Variants in SLC25A13 observed in about 807,000 individuals in gnomAD.
SLC25A13 encodes the protein solute carrier family 25 member 13, also known as electrogenic aspartate/glutamate antiporter SLC25A13, mitochondrial.
A neutral mutation model predicts 85.5 loss-of-function variants in SLC25A13; 70 were observed. That is an observed-to-expected ratio of 0.82 (90% CI 0.68 to 1.00). SLC25A13 has a LOEUF of 1.00. SLC25A13 is among the 50% of genes least tolerant of loss of function. The pLI is 0.00. For synonymous variants in SLC25A13, 259 were observed against 288.7 expected (o/e 0.90, Z 1.04); for missense variants, 765 against 819.8 (o/e 0.93, Z 0.82).
intron 2 of SLC25A13, among the ~76,000 whole-genome samples, chr7:96,292,727 G>A (rs1394414745): frequency 6.6e-6 from 1 of 152,182 alleles, no homozygotes; most frequent in African/African-American, 2.4e-5. Context: ...TACAAGGGAT[G>A]TGAAGGACCT....
At chr7:96,133,071 G>A (rs548791653) in intron 14 of SLC25A13, among the ~76,000 whole-genome samples, 120 of 152,270 alleles carry the variant, frequency 7.9e-4, no homozygotes, top group African/African-American at 2.8e-3. Context: ...AACACAGGCA[G>A]GACATCAGAT....
chr7:96,149,579 A>G (rs1792942773), intron 13 of SLC25A13, among the ~76,000 whole-genome samples: 1 of 152,242 alleles, frequency 6.6e-6, no homozygotes, highest in African/African-American at 2.4e-5. Context: ...TCAAGAAAAC[A>G]TAATGATGTA....
At position 96,234,898 on chromosome 7, in the gene SLC25A13, A is replaced by G. The variant is rs1241397849; in HGVS notation, c.232T>C (p.Phe78Leu). 3.1e-6 allele frequency: 5 copies of G among 1,613,660 alleles called. No individual in the cohort carries two copies. The highest frequency in any genetic ancestry group is 1.1e-5 in the South Asian group (1 of 91,068). The change falls in exon 4 of 18, where the codon TTT (phenylalanine) becomes CTT (leucine). Residue 78 changes from phenylalanine (F) to leucine (L), a missense_variant. Coordinates refer to ENST00000265631, the MANE Select transcript of SLC25A13 (RefSeq NM_014251.3). Reference sequence around the variant, plus strand: ...CACAGGACAGATTCAAAGGCAACAAATTCTTGAAAAGATATTAATCTGCAA... The same window carrying G: ...CACAGGACAGATTCAAAGGCAACAAGTTCTTGAAAAGATATTAATCTGCAA... ...TKDGLISFQE[F>L]VAFESVLCAP...
intron 13 of SLC25A13, among the ~76,000 whole-genome samples, chr7:96,163,129 A>T (rs1169910860): frequency 1.3e-5 from 2 of 152,140 alleles, no homozygotes; most frequent in Non-Finnish European, 2.9e-5. Flanking sequence ...GTAGGGTCTA[A>T]TTTCTCTCCT....
At chr7:96,240,794 A>G (rs1189507508) in intron 3 of SLC25A13, among the ~76,000 whole-genome samples, 1 of 151,162 alleles carries the variant, frequency 6.6e-6, no homozygotes, top group Non-Finnish European at 1.5e-5. Flanking sequence ...AAAGTTGCTC[A>G]CATCCTGATT....
chr7:96,184,288 C>A lies in SLC25A13; in HGVS notation c.1166G>T (p.Gly389Val). ...KKVLRYEGFF[G>V]LYRGLLPQLL... Reference sequence around the variant, plus strand: ...CATGTGGCACTAACCTCTATACAGTCCAAAGAAGCCTTCATAGCGTAGCAC... The same window carrying A: ...CATGTGGCACTAACCTCTATACAGTACAAAGAAGCCTTCATAGCGTAGCAC... The change falls in exon 11 of 18, where the codon GGA (glycine) becomes GTA (valine). Residue 389 changes from glycine to valine, a missense_variant. Physicochemically the swap from Gly to Val is moderately radical, Grantham distance 109 (BLOSUM62 -3). Coordinates refer to ENST00000265631, the MANE Select transcript of SLC25A13 (RefSeq NM_014251.3). 6.2e-7 allele frequency: 1 copy of A among 1,614,134 alleles called. No individual in the cohort carries two copies. Among genetic ancestry groups the A allele is most frequent in the South Asian group, 1.1e-5 (1 of 91,070 alleles).
At chr7:96,312,550 A>C (rs1322978186) in intron 1 of SLC25A13, among the ~76,000 whole-genome samples, 1 of 152,136 alleles carries the variant, frequency 6.6e-6, no homozygotes, top group Non-Finnish European at 1.5e-5. Flanking sequence ...GGTTATATTA[A>C]TCCCTGAAGA....
At chr7:96,232,589 T>TA (rs1461527010) in intron 4 of SLC25A13, among the ~76,000 whole-genome samples, 2 of 141,856 alleles carry the variant, frequency 1.4e-5, no homozygotes, top group African/African-American at 5.3e-5. Flanking sequence ...CCCCTGAACT[T>TA]ACGTTAAAAA....
intron 3 of SLC25A13, among the ~76,000 whole-genome samples, chr7:96,276,078 T>G (rs563868233): frequency 5.3e-5 from 8 of 152,164 alleles, no homozygotes; most frequent in Non-Finnish European, 1.2e-4. Context: ...GAGTGATAGG[T>G]AACTGCAATC....
intron 13 of SLC25A13, chr7:96,167,048 G>C (rs1185367152): frequency 6.6e-6 from 1 of 152,176 alleles, no homozygotes; most frequent in Non-Finnish European, 1.5e-5. Flanking sequence ...CAGATTTAGA[G>C]TTTGTAAACC....
chr7:96,179,523 G>A (rs998109383), intron 11 of SLC25A13, among the ~76,000 whole-genome samples: 3 of 152,172 alleles, frequency 2.0e-5, no homozygotes, highest in Non-Finnish European at 2.9e-5. Context: ...ACAATGCCCT[G>A]TGCTCACTAA....
At chr7:96,296,150 C>T (rs919857981) in intron 2 of SLC25A13, among the ~76,000 whole-genome samples, 18 of 151,480 alleles carry the variant, frequency 1.2e-4, no homozygotes, top group Non-Finnish European at 1.6e-4. Context: ...CTCAGGATAC[C>T]GCAGTCATCA....
chr7:96,180,072 A>G (rs2116614750), intron 11 of SLC25A13, among the ~76,000 whole-genome samples: 1 of 152,308 alleles, frequency 6.6e-6, no homozygotes, highest in South Asian at 2.1e-4. Flanking sequence ...CCTTGAGAAC[A>G]TTCCAGGATG....
intron 1 of SLC25A13, among the ~76,000 whole-genome samples, chr7:96,302,502 C>T (rs996597461): frequency 5.9e-5 from 9 of 152,066 alleles, no homozygotes; most frequent in African/African-American, 2.2e-4. Context: ...AAAACCTACA[C>T]GAAAATAAGA....
At chr7:96,143,346 CTT>C (rs1792645877) in intron 14 of SLC25A13, among the ~76,000 whole-genome samples, 1 of 152,138 alleles carries the variant, frequency 6.6e-6, no homozygotes, top group African/African-American at 2.4e-5. Context: ...GTTTATTTGA[CTT>C]TTATTTTTAT....
chr7:96,139,446 T>C (rs1584360128), intron 14 of SLC25A13, among the ~76,000 whole-genome samples: 1 of 152,322 alleles, frequency 6.6e-6, no homozygotes, highest in South Asian at 2.1e-4. Flanking sequence ...ATTATGGACA[T>C]TACATGACCT....
chr7:96,122,022 T>G, intron 15 of SLC25A13, 25 bp from the exon 16 acceptor site: 3 of 1,613,876 alleles, frequency 1.9e-6, no homozygotes, highest in Non-Finnish European at 1.7e-6. Flanking sequence ...CAACACCATC[T>G]CAGTCTGGTC....
At chr7:96,193,451 T>G (rs1023316121) in intron 5 of SLC25A13, among the ~76,000 whole-genome samples, 13 of 152,206 alleles carry the variant, frequency 8.5e-5, no homozygotes, top group African/African-American at 2.9e-4. Context: ...CTAGAGTCCA[T>G]GAACACAAAG....
At chr7:96,181,178 C>T (rs890600381) in intron 11 of SLC25A13, among the ~76,000 whole-genome samples, 1 of 152,162 alleles carries the variant, frequency 6.6e-6, no homozygotes, top group African/African-American at 2.4e-5. Flanking sequence ...TTTTAAGGAG[C>T]TCTTTTCCAG....
Sources: allele counts gnomAD v4.1 joint callset (sites outside exome capture counted in the v4.1 genomes callset), GRCh38; gene constraint gnomAD v4.1.1; transcripts MANE v1.5; gene names NCBI Gene and HGNC (gene_info 2026-07-23, HGNC 2026-07-21).